Variants in RSRP1 observed in about 807,000 individuals in gnomAD.
The protein encoded by RSRP1 is arginine and serine rich protein 1, also known as arginine/serine-rich protein 1.
A neutral mutation model predicts 33.0 loss-of-function variants in RSRP1; 37 were observed. That is an observed-to-expected ratio of 1.12 (90% CI 0.86 to 1.48). The LOEUF (loss-of-function observed/expected upper bound fraction) is 1.48, where lower values mean the gene tolerates loss of function less well. Among genes scored for constraint, RSRP1 ranks in the 40% most tolerant of loss-of-function variants. The pLI is 0.00. For synonymous variants in RSRP1, 167 were observed against 158.7 expected (o/e 1.05, Z -0.40); for missense variants, 402 against 385.3 (o/e 1.04, Z -0.36).
chr1:25,294,038 T>C, intron 1 of RSRP1: 1 of 597,574 alleles, frequency 1.7e-6, no homozygotes, highest in Non-Finnish European at 3.2e-6. Context: ...AATCTTGTGA[T>C]TAAGAGAAGA....
chr1:25,246,850 A>T lies in RSRP1; in HGVS notation c.114T>A (p.Ser38=). The change falls in exon 2 of 5, where the codon TCT becomes TCA. Residue 38 remains serine (S), a synonymous_variant. Coordinates refer to ENST00000243189, the MANE Select transcript of RSRP1 (RefSeq NM_020317.5). The part of the protein sequence containing the change: ...SRLSSRSRSR[S]FSRSSRSHSR... ...AATGGGACCGAGAGCTTCTGGAAAA[A>T]GAGCGGCTCCTAGACCGCGACGACA... 2 of 1,612,784 alleles carry T rather than the reference A, an allele frequency of 1.2e-6. No homozygotes were observed. The highest frequency in any genetic ancestry group is 4.5e-5 in the East Asian group (2 of 44,880).
rs527677767 is a variant in RSRP1 at position 25,256,257 on chromosome 1, C to T, written c.-66-9228G>A. ...GCAGCCTCAACTTCCTGGGCTCAAA[C>T]GATCCTCCCGCCTCAGCCTACTGAG... is the stretch of plus-strand genomic sequence containing the variant. On this transcript the variant is annotated intron_variant, in intron 1 of 1. Transcript: ENST00000561867. Among the ~76,000 whole-genome samples the T allele has an allele frequency of 1.5e-4, 23 of 150,718 alleles. No homozygotes were observed. The South Asian group carries it at 2.9e-3, about 19-fold the overall frequency.
At chr1:25,303,169 C>T (rs1571676429) in intron 1 of RSRP1, among the ~76,000 whole-genome samples, 1 of 131,718 alleles carries the variant, frequency 7.6e-6, no homozygotes, top group South Asian at 2.3e-4. Flanking sequence ...ATGAAGGACA[C>T]GTAGCCCCAA....
At position 25,329,491 on chromosome 1, in the gene RSRP1, C is replaced by A; in HGVS notation, c.-67+8487G>T. 5 of 205,996 alleles carry A rather than the reference C, an allele frequency of 2.4e-5. 1 individual carries two copies. The highest frequency in any genetic ancestry group is 2.3e-4 in the South Asian group (5 of 22,216). 12.8% of individuals were successfully genotyped at this position (205,996 alleles called of 1,614,324 possible). ...CTCCTGACCTCAAGTGATCTGCCCG[C>A]CTCGGCCTCCCAAAGTGCTGGAACC... On this transcript the variant is annotated intron_variant, in intron 1 of 1. Coordinates refer to the RSRP1 transcript ENST00000561867.
rs1173309381 is a variant in RSRP1, at chr1:25,292,654, A to AG, written c.-67+45323dup. 3.2e-5 allele frequency among the ~76,000 whole-genome samples: 4 copies of AG among 123,392 alleles called. 1 individual carries two copies. Among genetic ancestry groups the AG allele is most frequent in the Non-Finnish European group, 5.8e-5 (3 of 52,144 alleles). The allele number at this position is 123,392 out of a possible 152,430, so 80.9% of individuals were successfully genotyped here. A position where few individuals can be genotyped will look rare whatever the true frequency, so the allele number is the denominator to read the frequency against. On this transcript the variant is annotated intron_variant, in intron 1 of 1. Transcript: ENST00000561867. The stretch of plus-strand genomic sequence containing the variant: ...GTAGCGTTAGGGTTAAGGTTGGGGG[A>AG]GGGGGGGTAGAGATGTGTATGAAAC...
chr1:25,267,897 C>A (rs1231244664), intron 1 of RSRP1: 1 of 132,410 alleles, frequency 7.6e-6, no homozygotes, highest in African/African-American at 2.6e-5. Context: ...CTGAACCCAG[C>A]GCCCGGGCAT....
chr1:25,319,140 G>A lies in RSRP1; in HGVS notation c.-67+18838C>T, dbSNP rs1388054913. On this transcript the variant is annotated intron_variant, in intron 1 of 1. Transcript: ENST00000561867. ...TGTCCTGGGACTCACACTATTCACT[G>A]TTATCACTGGTATGTTCAAAGTGGT... is the stretch of plus-strand genomic sequence containing the variant. Among the ~76,000 whole-genome samples the A allele has an allele frequency of 1.5e-5, 2 of 130,956 alleles. 1 individual carries two copies. Among genetic ancestry groups the A allele is most frequent in the Non-Finnish European group, 3.6e-5 (2 of 54,828 alleles). 85.9% of individuals were successfully genotyped at this position (130,956 alleles called of 152,430 possible).
chr1:25,246,289 CTTAAATACAGGTAA>C (rs1239160328), intron 2 of RSRP1, among the ~76,000 whole-genome samples, 141 bp downstream of exon 2: 1 of 152,194 alleles, frequency 6.6e-6, no homozygotes, highest in Non-Finnish European at 1.5e-5. Flanking sequence ...ATGCTGTCCA[CTTAAATACAGGTAA>C]TGTCCTCCCT....
At position 25,320,108 on chromosome 1, in the gene RSRP1, T is replaced by C. The variant is rs1341841687; in HGVS notation, c.-67+17870A>G. Among the ~76,000 whole-genome samples, 3 of 131,084 alleles carry C rather than the reference T, an allele frequency of 2.3e-5. 1 individual carries two copies. The highest frequency in any genetic ancestry group is 5.4e-5 in the Non-Finnish European group (3 of 55,358). 86.0% of individuals were successfully genotyped at this position (131,084 alleles called of 152,430 possible). On this transcript the variant is annotated intron_variant, in intron 1 of 1. Transcript: ENST00000561867. ...AGACAGGGTTTCTCCATGTTGGTCA[T>C]GCTGGTCTCGAACTCCTGACCTCAG...
At chr1:25,244,422 ACCT>A in intron 3 of RSRP1, 1 of 1,289,274 alleles carries the variant, frequency 7.8e-7, no homozygotes, top group Non-Finnish European at 1.0e-6. Flanking sequence ...TTCAAATTAA[ACCT>A]CTGATGCTTT....
At chr1:25,312,313 A>G (rs1275875044) in intron 1 of RSRP1, among the ~76,000 whole-genome samples, 1 of 101,660 alleles carries the variant, frequency 9.8e-6, no homozygotes, top group East Asian at 2.1e-4. Flanking sequence ...TTGGAAGTCA[A>G]TAACTTGTTT....
At position 25,243,516 on chromosome 1, in the gene RSRP1, A is replaced by G. The variant is rs780696917; in HGVS notation, c.756+34T>C. The G allele has an allele frequency of 1.1e-5, 17 of 1,604,970 alleles. No individual in the cohort carries two copies. In the Admixed American group the frequency reaches 1.5e-4, roughly 14 times the overall value. On this transcript the variant is annotated intron_variant, in intron 4 of 4. Coordinates refer to ENST00000243189, the MANE Select transcript of RSRP1 (RefSeq NM_020317.5). ...AGATGCAAAAATACATCCTAAATCC[A>G]ATTTTTGAGTGTTCAATGCCTGGAT...
rs758618412 is a variant in RSRP1 at position 25,290,688 on chromosome 1, A to G, written c.-66-43659T>C. Reference sequence around the variant, plus strand: ...GCTTTGTCGGTGCTGATCTCAGTGGATGCTGTCTTGGGGAAGGTCAACTTG... The same window carrying G: ...GCTTTGTCGGTGCTGATCTCAGTGGGTGCTGTCTTGGGGAAGGTCAACTTG... On this transcript the variant is annotated intron_variant, in intron 1 of 1. Transcript: ENST00000561867. 3.0e-5 allele frequency: 42 copies of G among 1,377,756 alleles called. 6 individuals carry two copies. The highest frequency in any genetic ancestry group is 1.6e-4 in the Admixed American group (9 of 55,916). The allele number at this position is 1,377,756 out of a possible 1,614,324, so 85.3% of individuals were successfully genotyped here. A position where few individuals can be genotyped will look rare whatever the true frequency, so the allele number is the denominator to read the frequency against.
intron 1 of RSRP1, chr1:25,267,861 T>G (rs1366587145): frequency 1.5e-5 from 2 of 131,356 alleles, no homozygotes; most frequent in Non-Finnish European, 3.6e-5. Context: ...GACGTCCAGC[T>G]GTGAACCCAG....
rs1323539335 is a variant in RSRP1, at chr1:25,269,759, A to C, written c.-66-22730T>G. ...AAATCTGTTGGGAGAGGCCAACTGC[A>C]GGGATACCTCCCTTTTTTAATGAAA... On this transcript the variant is annotated intron_variant, in intron 1 of 1. Coordinates refer to the RSRP1 transcript ENST00000561867. 9.8e-5 allele frequency among the ~76,000 whole-genome samples: 13 copies of C among 132,438 alleles called. 2 individuals carry two copies. The highest frequency in any genetic ancestry group is 3.1e-4 in the African/African-American group (12 of 38,718). The allele number at this position is 132,438 out of a possible 152,430, so 86.9% of individuals were successfully genotyped here.
At position 25,242,677 on chromosome 1, in the gene RSRP1, G is replaced by T; in HGVS notation, c.785C>A (p.Ser262Ter). 6.2e-7 allele frequency: 1 copy of T among 1,609,524 alleles called. No individual in the cohort carries two copies. The highest frequency in any genetic ancestry group is 1.7e-4 in the Middle Eastern group (1 of 5,830). The change falls in exon 5 of 5, where the codon TCA becomes TAA. Residue 262 changes from serine to a stop codon, truncating the protein, a stop_gained. Coordinates refer to ENST00000243189, the MANE Select transcript of RSRP1 (RefSeq NM_020317.5). LOFTEE classifies it high-confidence loss of function. Reference protein sequence around the residue: ...NNSVAKPIQKSAKAATEEASS... With the variant: ...NNSVAKPIQK ...TGCCTCTTCTGTGGCAGCTTTAGCT[G>T]ATTTTTGTATTGGCTTTGCTACAGA...
upstream of RSRP1, chr1:25,338,206 C>A (rs1469858010): frequency 6.6e-6 from 1 of 152,178 alleles, no homozygotes; most frequent in East Asian, 1.9e-4. Flanking sequence ...CCCAGAGCGG[C>A]GGAAAGCCCC....
intron 1 of RSRP1, among the ~76,000 whole-genome samples, chr1:25,318,975 G>A (rs1214129165): frequency 7.5e-6 from 1 of 133,088 alleles, no homozygotes; most frequent in Non-Finnish European, 1.8e-5. Flanking sequence ...GCGGAGTAGC[G>A]TTAATTCCGT....
intron 2 of RSRP1, among the ~76,000 whole-genome samples, 191 bp from the exon 3 acceptor site, chr1:25,245,492 T>C (rs920449276): frequency 5.9e-5 from 9 of 152,156 alleles, no homozygotes; most frequent in African/African-American, 2.2e-4. Flanking sequence ...ACTTGTTTTT[T>C]CTCCCCCTTA....
Sources: gnomAD v4.1 joint callset for allele counts (sites outside exome capture counted in the v4.1 genomes callset) on GRCh38, gnomAD v4.1.1 for gene constraint, MANE v1.5 for transcripts, NCBI Gene and HGNC (gene_info 2026-07-23, HGNC 2026-07-21) for gene names.